Variants in KCNG2 observed in about 807,000 individuals in gnomAD.
KCNG2 encodes potassium voltage-gated channel modifier subfamily G member 2, also known as voltage-gated potassium channel regulatory subunit KCNG2.
Under a neutral mutation model 12.3 loss-of-function variants are expected in KCNG2, and 7 were observed. That is an observed-to-expected ratio of 0.57 (90% confidence interval 0.32 to 1.07). The LOEUF (loss-of-function observed/expected upper bound fraction) is 1.07, where lower values mean the gene tolerates loss of function less well. Among genes scored for constraint, KCNG2 ranks in the 50% least tolerant of loss-of-function variants. KCNG2 has a pLI of 0.04. For synonymous variants in KCNG2, 414 were observed against 351.4 expected (o/e 1.18, Z -1.99); for missense variants, 703 against 726.0 (o/e 0.97, Z 0.36).
Position 79,863,654 on chromosome 18 carries a change from G to A in KCNG2, c.-14G>A. On this transcript the variant is annotated 5_prime_UTR_variant, in exon 3 of 4. Transcript: ENST00000316249. ...AGCCGGGCAGGAGCCCCTCGGTCCG[G>A]TCCGGCCCTGCGCATGGAGCCATGG... is the stretch of plus-strand genomic sequence containing the variant. The A allele has an allele frequency of 1.7e-6, 2 of 1,212,034 alleles. No individual in the cohort carries two copies. Among genetic ancestry groups the A allele is most frequent in the African/African-American group, 1.6e-5 (1 of 63,862 alleles). 75.1% of individuals were successfully genotyped at this position (1,212,034 alleles called of 1,614,324 possible).
Position 79,803,082 on chromosome 18 carries a change from G to A in KCNG2, c.-115+5068G>A, listed in dbSNP as rs1424819823. ...AATTCCAGCTGCTTGGGAGGCTGAG[G>A]CAGGAGAATCGCTTGAACCCGGAAG... is the stretch of plus-strand genomic sequence containing the variant. On this transcript the variant is annotated intron_variant, in intron 1 of 3. Coordinates refer to ENST00000316249, the MANE Select transcript of KCNG2 (RefSeq NM_012283.2). This position sits in a 1 kb window ranked among gnomAD's most constrained non-coding sequence, Gnocchi z 4.5. 6.6e-6 allele frequency among the ~76,000 whole-genome samples: 1 copy of A among 152,150 alleles called. No homozygotes were observed. The highest frequency in any genetic ancestry group is 2.4e-5 in the African/African-American group (1 of 41,438).
chr18:79,851,289 T>C (rs1020146797), intron 1 of KCNG2, among the ~76,000 whole-genome samples: 2 of 152,248 alleles, frequency 1.3e-5, no homozygotes, highest in Non-Finnish European at 2.9e-5. Context: ...AAATTGGGAA[T>C]GCTTCTGTTC....
chr18:79,798,655 C>T (rs967419944), intron 1 of KCNG2, among the ~76,000 whole-genome samples: 9 of 152,244 alleles, frequency 5.9e-5, no homozygotes, highest in African/African-American at 2.2e-4. Context: ...AGACCCAGCT[C>T]CCGCAGCCGC....
At chr18:79,824,409 C>T (rs939862262) in intron 1 of KCNG2, among the ~76,000 whole-genome samples, 5 of 152,168 alleles carry the variant, frequency 3.3e-5, no homozygotes, top group African/African-American at 1.2e-4. Context: ...TAAGTTTTGT[C>T]ATTGATTCTC....
At chr18:79,898,090 G>A (rs976830035) in intron 3 of KCNG2, among the ~76,000 whole-genome samples, 9 of 152,158 alleles carry the variant, frequency 5.9e-5, no homozygotes, top group Non-Finnish European at 5.9e-5. Context: ...GTCAGCACAC[G>A]CATGAATCCT....
chr18:79,856,640 C>G (rs1361325637), intron 2 of KCNG2, among the ~76,000 whole-genome samples, 188 bp downstream of exon 2: 1 of 152,184 alleles, frequency 6.6e-6, no homozygotes, highest in Admixed American at 6.5e-5. Context: ...AACTCAGGCG[C>G]AGCCCCTTCC....
At chr18:79,798,361 G>A (rs2087380183) in intron 1 of KCNG2, among the ~76,000 whole-genome samples, 1 of 152,108 alleles carries the variant, frequency 6.6e-6, no homozygotes, top group Non-Finnish European at 1.5e-5. Flanking sequence ...GGATCGCCCC[G>A]TCTATTCGCG....
At chr18:79,851,433 G>A (rs2123048996) in intron 1 of KCNG2, among the ~76,000 whole-genome samples, 1 of 152,276 alleles carries the variant, frequency 6.6e-6, no homozygotes, top group Non-Finnish European at 1.5e-5. Context: ...GCAAGTCCCA[G>A]CCTCACTTTC....
chr18:79,860,238 G>A (rs1393417599), intron 2 of KCNG2, among the ~76,000 whole-genome samples: 2 of 152,170 alleles, frequency 1.3e-5, no homozygotes, highest in Non-Finnish European at 2.9e-5. Flanking sequence ...TGTCAAGTTT[G>A]TTTTGGCTAC....
intron 1 of KCNG2, among the ~76,000 whole-genome samples, chr18:79,837,316 G>A (rs967782320): frequency 2.0e-5 from 3 of 152,212 alleles, no homozygotes; most frequent in Non-Finnish European, 4.4e-5. Flanking sequence ...GCTTTGCAGG[G>A]CACAGCCCCC....
At chr18:79,849,494 C>T (rs994811404) in intron 1 of KCNG2, among the ~76,000 whole-genome samples, 4 of 152,218 alleles carry the variant, frequency 2.6e-5, no homozygotes, top group South Asian at 2.1e-4. Flanking sequence ...GTGCAGGAGC[C>T]GCATCTGGAC....
intron 1 of KCNG2, among the ~76,000 whole-genome samples, chr18:79,814,780 A>G (rs1001203743): frequency 6.6e-6 from 1 of 152,222 alleles, no homozygotes; most frequent in Non-Finnish European, 1.5e-5. Flanking sequence ...CTAAAAATGT[A>G]TATGTATATG....
chr18:79,811,702 A>T (rs1349111930), intron 1 of KCNG2, among the ~76,000 whole-genome samples: 3 of 152,250 alleles, frequency 2.0e-5, no homozygotes, highest in African/African-American at 7.2e-5. Flanking sequence ...CGATGGGTTT[A>T]AAATGCTTCA....
chr18:79,846,258 A>G (rs1368040514), intron 1 of KCNG2, among the ~76,000 whole-genome samples: 1 of 151,558 alleles, frequency 6.6e-6, no homozygotes, highest in African/African-American at 2.4e-5. Context: ...CTGTAGTCCC[A>G]GCTACTTGGG....
intron 1 of KCNG2, among the ~76,000 whole-genome samples, chr18:79,849,864 C>T (rs957597549): frequency 4.7e-5 from 7 of 149,964 alleles, no homozygotes; most frequent in Non-Finnish European, 1.0e-4. Flanking sequence ...TGGGAGGAAC[C>T]CGAGACTCCA....
chr18:79,837,404 A>C (rs1194205039), intron 1 of KCNG2, among the ~76,000 whole-genome samples: 6 of 152,174 alleles, frequency 3.9e-5, no homozygotes, highest in Non-Finnish European at 8.8e-5. Context: ...AGGATCTACC[A>C]TTCTGGGGTC....
chr18:79,820,114 G>C (rs964504131), intron 1 of KCNG2, among the ~76,000 whole-genome samples: 1 of 152,226 alleles, frequency 6.6e-6, no homozygotes, highest in South Asian at 2.1e-4. Flanking sequence ...CACTGTGTGC[G>C]TCCACCCTCT....
rs149954302 is a variant in KCNG2 at position 79,821,154 on chromosome 18, T to C, written c.-115+23140T>C. On this transcript the variant is annotated intron_variant, in intron 1 of 3. Coordinates refer to ENST00000316249, the MANE Select transcript of KCNG2 (RefSeq NM_012283.2). ...GCTCAGTTGATCTATTTTTATTTTG[T>C]TGCCTGTGCTTTTGATGTCATTTAA... 3.8e-4 allele frequency among the ~76,000 whole-genome samples: 58 copies of C among 152,342 alleles called. No individual in the cohort carries two copies. In the East Asian group the frequency reaches 7.1e-3, roughly 19 times the overall value.
intron 3 of KCNG2, chr18:79,875,804 A>T (rs8090724): frequency 0.84 from 127,470 of 152,454 alleles, 55,576 homozygotes; most frequent in Non-Finnish European, 0.96. Flanking sequence ...AAAACCTTGA[A>T]GGGGGAGGCG....
Sources: gnomAD v4.1 joint callset for allele counts (sites outside exome capture counted in the v4.1 genomes callset) on GRCh38, gnomAD v4.1.1 for gene constraint, Gnocchi (gnomAD v3.1) non-coding constraint, MANE v1.5 for transcripts, NCBI Gene and HGNC (gene_info 2026-07-23, HGNC 2026-07-21) for gene names.